Variants in TINF2 observed in about 807,000 individuals in gnomAD.
TINF2 encodes the protein TERF1-interacting nuclear factor 2.
Under a neutral mutation model 50.4 loss-of-function variants are expected in TINF2, and 27 were observed. The ratio of observed to expected loss-of-function variants is 0.54; its 90% CI spans 0.40 to 0.74. The LOEUF is 0.74. Among genes scored for constraint, TINF2 ranks in the 30% least tolerant of loss-of-function variants. TINF2 has a pLI of 0.00. For synonymous variants in TINF2, 223 were observed against 214.6 expected, an observed-to-expected ratio of 1.04 and a Z score of -0.34; for missense variants, 496 against 551.5, an observed-to-expected ratio of 0.90 and a Z score of 1.01.
chr14:24,242,377 C>T lies in TINF2; in HGVS notation c.-45G>A. 1.3e-6 allele frequency: 2 copies of T among 1,595,836 alleles called. No homozygotes were observed. The highest frequency in any genetic ancestry group is 1.7e-6 in the Non-Finnish European group (2 of 1,173,514). On this transcript the variant is annotated 5_prime_UTR_variant, in exon 1 of 9. Coordinates refer to ENST00000267415, the MANE Select transcript of TINF2 (RefSeq NM_001099274.3). ...GAGGCGGTCCCTCCGGGTTCCTCAC[C>T]CGGATGGGTGAGGCTTTCCGATCAC... is the stretch of plus-strand genomic sequence containing the variant.
chr14:24,241,323 G>A lies in TINF2; in HGVS notation c.400-12C>T. On this transcript the variant is annotated splice_polypyrimidine_tract_variant and intron_variant, in intron 3 of 8. Transcript: ENST00000267415. ...TCTTGTTCAAGTTCCTACAGCAGGG[G>A]AGATTAGGTCAAAAGTGGGTTAGTG... The A allele has an allele frequency of 1.2e-6, 2 of 1,611,676 alleles. No homozygotes were observed. The highest frequency in any genetic ancestry group is 1.7e-6 in the Non-Finnish European group (2 of 1,179,918).
rs2040525483 is a variant in TINF2, at chr14:24,239,819, C to T, written c.1334G>A (p.Arg445Lys). 6.2e-7 allele frequency: 1 copy of T among 1,614,024 alleles called. No individual in the cohort carries two copies. The highest frequency in any genetic ancestry group is 1.3e-5 in the African/African-American group (1 of 74,912). Residue 445 changes from arginine to lysine, a missense_variant, in exon 9 of 9, where the codon AGA becomes AAA. Transcript: ENST00000267415. ...CTATCACAAAGGTCTAGAACTGTCT[C>T]TACAGTCACAGGAAGAAACAGGTAT... ...GAIPVSSCDC[R>K]DSSRPL
intron 3 of TINF2, 40 bp downstream of exon 3, chr14:24,241,635 A>C (rs2040581572): frequency 4.0e-6 from 6 of 1,494,658 alleles, no homozygotes; most frequent in Non-Finnish European, 5.5e-6. Flanking sequence ...AAAATGGGTT[A>C]GAGAAAATAG....
intron 4 of TINF2, 39 bp from the exon 5 acceptor site, chr14:24,241,155 G>GA: frequency 6.2e-7 from 1 of 1,614,120 alleles, no homozygotes; most frequent in Non-Finnish European, 8.5e-7. Context: ...CACAATCCTT[G>GA]AAACAGCCAC....
At chr14:24,240,033 C>G (rs991659536) in intron 8 of TINF2, 31 bp downstream of exon 8, 4 of 1,614,204 alleles carry the variant, frequency 2.5e-6, no homozygotes, top group Admixed American at 1.7e-5. Flanking sequence ...TACCCATCCC[C>G]TTTCCCAGCT....
chr14:24,241,620 A>C (rs1409641318), intron 3 of TINF2, 55 bp downstream of exon 3: 11 of 1,505,244 alleles, frequency 7.3e-6, no homozygotes, highest in Non-Finnish European at 1.0e-5. Context: ...CCTCAAAAAA[A>C]AAAAAAAATG....
At chr14:24,240,025 C>T in intron 8 of TINF2, 39 bp downstream of exon 8, 1 of 1,614,194 alleles carries the variant, frequency 6.2e-7, no homozygotes, top group East Asian at 2.2e-5. Context: ...TCTTGTTCTA[C>T]CCATCCCCTT....
chr14:24,240,392 A>G, intron 6 of TINF2, 27 bp downstream of exon 6: 1 of 1,614,108 alleles, frequency 6.2e-7, no homozygotes, highest in Non-Finnish European at 8.5e-7. Context: ...ATGTGCTCCT[A>G]GTAAGAAGCA....
rs775263081 is a variant in TINF2 at position 24,240,456 on chromosome 14, C to T, written c.1024G>A (p.Glu342Lys). 3.7e-6 allele frequency: 6 copies of T among 1,614,060 alleles called. No individual in the cohort carries two copies. Among genetic ancestry groups the T allele is most frequent in the Non-Finnish European group, 5.1e-6 (6 of 1,180,038 alleles). The change falls in exon 6 of 9, where the codon GAG becomes AAG. Residue 342 changes from glutamate (E) to lysine (K), a missense_variant. By Grantham distance (56) the Glu-to-Lys change is moderately conservative (BLOSUM62 1). Transcript: ENST00000267415. ...CQTLGGRALKENPVDLPATEQ... is the reference protein window; with the variant it reads ...CQTLGGRALKKNPVDLPATEQ... Reference sequence around the variant, plus strand: ...GTGGCAGGCAAGTCAACTGGGTTCTCCTTCAGAGCCCTTCCCCCCAGGGTC... The same window carrying T: ...GTGGCAGGCAAGTCAACTGGGTTCTTCTTCAGAGCCCTTCCCCCCAGGGTC...
At chr14:24,240,915 A>G in intron 5 of TINF2, 40 bp from the exon 6 acceptor site, 2 of 1,614,158 alleles carry the variant, frequency 1.2e-6, no homozygotes, top group Middle Eastern at 3.3e-4. Context: ...GAGAACAGAT[A>G]GTAACAGAAT....
intron 8 of TINF2, 30 bp downstream of exon 8, chr14:24,240,034 T>C (rs771061491): frequency 7.4e-6 from 12 of 1,614,176 alleles, no homozygotes; most frequent in East Asian, 2.2e-5. Flanking sequence ...ACCCATCCCC[T>C]TTCCCAGCTT....
At position 24,240,789 on chromosome 14, in the gene TINF2, G is replaced by C; in HGVS notation, c.691C>G (p.Leu231Val). 6.2e-7 allele frequency: 1 copy of C among 1,613,796 alleles called. No individual in the cohort carries two copies. The highest frequency in any genetic ancestry group is 8.5e-7 in the Non-Finnish European group (1 of 1,179,950). Residue 231 changes from leucine to valine, a missense_variant, in exon 6 of 9, where the codon CTG becomes GTG. Leu to Val is a conservative substitution (Grantham distance 32, BLOSUM62 1). Around this residue, in one of 3 missense-constraint regions of TINF2, gnomAD observed 314 missense variants for 343.8 expected, o/e 0.91. Coordinates refer to ENST00000267415, the MANE Select transcript of TINF2 (RefSeq NM_001099274.3). ...QQQRLALHNP[L>V]PKAKPGTHLP... The stretch of plus-strand genomic sequence containing the variant: ...TGTGTGCCAGGCTTGGCTTTTGGCA[G>C]GGGATTGTGGAGTGCTAGTCTTTGT...
Position 24,241,020 on chromosome 14 carries a change from C to G in TINF2, c.604G>C (p.Glu202Gln). 6.2e-7 allele frequency: 1 copy of G among 1,614,176 alleles called. No individual in the cohort carries two copies. The highest frequency in any genetic ancestry group is 8.5e-7 in the Non-Finnish European group (1 of 1,180,028). Reference sequence around the variant, plus strand: ...CACTACACCTCCAAATTCCTAGTACCTGGAAGCAGCCACCCCATGTCCACA... The same window carrying G: ...CACTACACCTCCAAATTCCTAGTACGTGGAAGCAGCCACCCCATGTCCACA... ...YGVDMGWLLPECSVTDSVNLA... is the reference protein window; with the variant it reads ...YGVDMGWLLPQCSVTDSVNLA... Residue 202 changes from glutamate (E) to glutamine (Q), a missense_variant and splice_region_variant, in exon 5 of 9, where the codon GAG becomes CAG. Physicochemically the swap from Glu to Gln is conservative, Grantham distance 29. Coordinates refer to ENST00000267415, the MANE Select transcript of TINF2 (RefSeq NM_001099274.3).
chr14:24,241,613 C>CAAAAA lies in TINF2; in HGVS notation c.399+57_399+61dup. ...GCCTGGGCGACAGAGCAAGATTCCT[C>CAAAAA]AAAAAAAAAAAAAAATGGGTTAGAG... On this transcript the variant is annotated intron_variant, in intron 3 of 8. Coordinates refer to ENST00000267415, the MANE Select transcript of TINF2 (RefSeq NM_001099274.3). 7.7e-6 allele frequency: 10 copies of CAAAAA among 1,292,940 alleles called. No individual in the cohort carries two copies. The African/African-American group carries it at 7.9e-5, about 10-fold the overall frequency. The allele number at this position is 1,292,940 out of a possible 1,614,324, so 80.1% of individuals were successfully genotyped here. A position where few individuals can be genotyped will look rare whatever the true frequency, so the allele number is the denominator to read the frequency against.
rs752441210 is a variant in TINF2 at position 24,241,078 on chromosome 14, A to G, written c.546T>C (p.Ser182=). ...DVLSWMQPGV[S]ITSSLAWRQY... ...GTCTCCAGGCAAGAGAAGAGGTGAT[A>G]GAGACTCCAGGCTGCATCCAACTCA... The change falls in exon 5 of 9, where the codon TCT becomes TCC. Residue 182 remains serine, a synonymous_variant. Coordinates refer to ENST00000267415, the MANE Select transcript of TINF2 (RefSeq NM_001099274.3). 1 of 1,614,072 alleles carries G rather than the reference A, an allele frequency of 6.2e-7. No individual in the cohort carries two copies. The highest frequency in any genetic ancestry group is 1.3e-5 in the African/African-American group (1 of 74,920).
chr14:24,242,217 C>T lies in TINF2; in HGVS notation c.116G>A (p.Arg39Gln), dbSNP rs779555497. The change falls in exon 1 of 9, where the codon CGA (arginine) becomes CAA (glutamine). Residue 39 changes from arginine (R) to glutamine (Q), a missense_variant. Arg to Gln is a conservative substitution (Grantham distance 43). Coordinates refer to ENST00000267415, the MANE Select transcript of TINF2 (RefSeq NM_001099274.3). ...GCCAGGGGCAACAGCGCGCAGAGATCGCAGAAACTCCAGTACTCGCGGAAA... is the reference window on the plus strand; with the variant it reads ...GCCAGGGGCAACAGCGCGCAGAGATTGCAGAAACTCCAGTACTCGCGGAAA... ...EHFPRVLEFL[R>Q]SLRAVAPGLV... 6.2e-7 allele frequency: 1 copy of T among 1,614,248 alleles called. No individual in the cohort carries two copies. The highest frequency in any genetic ancestry group is 8.5e-7 in the Non-Finnish European group (1 of 1,180,048).
In TINF2 at chr14:24,242,157, A is replaced by G. The variant is rs376204748; in HGVS notation, c.176T>C (p.Met59Thr). The G allele has an allele frequency of 2.5e-6, 4 of 1,614,228 alleles. No individual in the cohort carries two copies. The highest frequency in any genetic ancestry group is 3.4e-6 in the Non-Finnish European group (4 of 1,180,030). The change falls in exon 1 of 9, where the codon ATG becomes ACG. Residue 59 changes from methionine (M) to threonine (T), a missense_variant. Met to Thr is a moderately conservative substitution (Grantham distance 81, BLOSUM62 -1). Around this residue, in one of 3 missense-constraint regions of TINF2, gnomAD observed 314 missense variants for 343.8 expected, o/e 0.91. Transcript: ENST00000267415. ...VRYRHHERLC[M>T]GLKAKVVVEL... The stretch of plus-strand genomic sequence containing the variant: ...CTCCAATACCTTGGCCTTTAGGCCC[A>G]TACAAAGGCGTTCGTGGTGCCGGTA...
At position 24,241,613 on chromosome 14, in the gene TINF2, C is replaced by CA. The variant is rs5807249; in HGVS notation, c.399+61dup. 0.14 allele frequency: 171,269 copies of CA among 1,234,150 alleles called. 625 individuals are homozygous for CA. The highest frequency in any genetic ancestry group is 0.22 in the East Asian group (8,189 of 36,794). 76.4% of individuals were successfully genotyped at this position (1,234,150 alleles called of 1,614,324 possible). A position where few individuals can be genotyped will look rare whatever the true frequency, so the allele number is the denominator to read the frequency against. Reference sequence around the variant, plus strand: ...GCCTGGGCGACAGAGCAAGATTCCTCAAAAAAAAAAAAAAATGGGTTAGAG... The same window carrying CA: ...GCCTGGGCGACAGAGCAAGATTCCTCAAAAAAAAAAAAAAAATGGGTTAGAG... On this transcript the variant is annotated intron_variant, in intron 3 of 8. Transcript: ENST00000267415.
Position 24,240,439 on chromosome 14 carries a change from C to A in TINF2, c.1041G>T (p.Leu347Phe). 1.9e-6 allele frequency: 3 copies of A among 1,614,168 alleles called. No homozygotes were observed. Among genetic ancestry groups the A allele is most frequent in the Non-Finnish European group, 2.5e-6 (3 of 1,180,032 alleles). ...GRALKENPVD[L>F]PATEQKENCL... ...CTCACTCCTTTTGCTCTGTGGCAGGCAAGTCAACTGGGTTCTCCTTCAGAG... is the reference window on the plus strand; with the variant it reads ...CTCACTCCTTTTGCTCTGTGGCAGGAAAGTCAACTGGGTTCTCCTTCAGAG... The change falls in exon 6 of 9, where the codon TTG (leucine) becomes TTT (phenylalanine). Residue 347 changes from leucine (L) to phenylalanine (F), a missense_variant. Around this residue, in one of 3 missense-constraint regions of TINF2, gnomAD observed 179 missense variants for 188.3 expected, o/e 0.95. Transcript: ENST00000267415.
Sources: allele counts gnomAD v4.1 joint callset, GRCh38; gene constraint gnomAD v4.1.1; regional missense constraint gnomAD v4.1.1; transcripts MANE v1.5; gene names NCBI Gene and HGNC (gene_info 2026-07-23, HGNC 2026-07-21).